The following ASPH variants were observed in gnomAD, a reference collection of about 807,000 sequenced individuals.
ASPH encodes aspartate beta-hydroxylase.
ASPH carries 100 observed loss-of-function variants against 118.4 expected under a neutral mutation model. That is an observed-to-expected ratio of 0.84 (90% CI 0.72 to 1.00). ASPH has a LOEUF of 1.00. Ranked by LOEUF, ASPH falls within the 50% of genes least tolerant of loss-of-function variation. ASPH has a pLI of 0.00. For missense variants in ASPH, 920 were observed against 919.5 expected (o/e 1.00, Z -0.01); for synonymous variants, 315 against 325.6 (o/e 0.97, Z 0.35).
At chr8:61,652,659 T>C (rs1411482726) in intron 4 of ASPH, among the ~76,000 whole-genome samples, 3 of 152,188 alleles carry the variant, frequency 2.0e-5, no homozygotes, top group Non-Finnish European at 4.4e-5. Flanking sequence ...GGTTTTATTT[T>C]AGTACAAAGT....
At chr8:61,528,416 C>T (rs1014901186) in intron 21 of ASPH, among the ~76,000 whole-genome samples, 2 of 152,210 alleles carry the variant, frequency 1.3e-5, no homozygotes, top group African/African-American at 4.8e-5. Flanking sequence ...AAATCTGTTA[C>T]ATTCTTGTTA....
intron 1 of ASPH, among the ~76,000 whole-genome samples, chr8:61,713,250 C>T (rs1294541046): frequency 6.6e-6 from 1 of 152,128 alleles, no homozygotes; most frequent in Non-Finnish European, 1.5e-5. Flanking sequence ...TATTGAGCAC[C>T]TATTATGGGA....
intron 1 of ASPH, among the ~76,000 whole-genome samples, chr8:61,692,105 CTAGT>C (rs972020671): frequency 6.6e-6 from 1 of 152,180 alleles, no homozygotes; most frequent in African/African-American, 2.4e-5. Context: ...CACAAGTCCT[CTAGT>C]TAATCTTTTG....
At chr8:61,714,094 C>T (rs1838759897) in intron 1 of ASPH, among the ~76,000 whole-genome samples, 175 bp downstream of exon 1, 2 of 152,198 alleles carry the variant, frequency 1.3e-5, no homozygotes, top group South Asian at 2.1e-4. Context: ...CCCTCGCCCG[C>T]CCGCCAGGCC....
chr8:61,595,653 T>C (rs1292151671), intron 14 of ASPH, among the ~76,000 whole-genome samples: 1 of 152,180 alleles, frequency 6.6e-6, no homozygotes, highest in African/African-American at 2.4e-5. Flanking sequence ...ATCACATTCC[T>C]CAAACCAGTG....
At chr8:61,616,130 T>TG (rs1157966338) in intron 14 of ASPH, among the ~76,000 whole-genome samples, 1 of 152,160 alleles carries the variant, frequency 6.6e-6, no homozygotes, top group African/African-American at 2.4e-5. Flanking sequence ...TAATTTTAAA[T>TG]GGGGGGAGAG....
rs184332735 is a variant in ASPH, at chr8:61,505,049, T to C, written c.2127-1540A>G. ...GTACTCCCATAATTCCCACATGCTGTGGGAAGGACCCGATGAGAGATAATT... is the reference window on the plus strand; with the variant it reads ...GTACTCCCATAATTCCCACATGCTGCGGGAAGGACCCGATGAGAGATAATT... On this transcript the variant is annotated intron_variant, in intron 24 of 24. Transcript: ENST00000379454. Among the ~76,000 whole-genome samples the C allele has an allele frequency of 1.8e-4, 27 of 152,256 alleles. No individual in the cohort carries two copies. The East Asian group carries it at 4.8e-3, about 27-fold the overall frequency.
chr8:61,583,197 T>C (rs966199826), intron 15 of ASPH: 7 of 152,144 alleles, frequency 4.6e-5, no homozygotes, highest in African/African-American at 1.7e-4. Context: ...TTTTTCTTTT[T>C]GCATCAAGGA....
chr8:61,670,954 G>C (rs1426539462), intron 3 of ASPH, among the ~76,000 whole-genome samples: 1 of 152,052 alleles, frequency 6.6e-6, no homozygotes, highest in Non-Finnish European at 1.5e-5. Flanking sequence ...GAAAAGTTTA[G>C]AATGACTGCT....
In ASPH at chr8:61,664,059, T is replaced by A. The variant is rs931491946; in HGVS notation, c.323-10399A>T. On this transcript the variant is annotated intron_variant, in intron 3 of 24. Transcript: ENST00000379454. ...GTTAATAAGGTTAACATTAAGAGAA[T>A]CAAAAATGCTACCACAGAGATTTTA... is the stretch of plus-strand genomic sequence containing the variant. 4.1e-6 allele frequency: 4 copies of A among 969,400 alleles called. No individual in the cohort carries two copies. The East Asian group carries it at 4.6e-4, about 112-fold the overall frequency. 60.0% of individuals were successfully genotyped at this position (969,400 alleles called of 1,614,324 possible). A position where few individuals can be genotyped will look rare whatever the true frequency, so the allele number is the denominator to read the frequency against.
At chr8:61,531,501 A>G (rs1817537024) in intron 21 of ASPH, among the ~76,000 whole-genome samples, 1 of 151,992 alleles carries the variant, frequency 6.6e-6, no homozygotes, top group South Asian at 2.1e-4. Flanking sequence ...TTGTAAATTT[A>G]TTTAGTTAGT....
intron 14 of ASPH, among the ~76,000 whole-genome samples, chr8:61,603,772 G>T (rs770279054): frequency 6.6e-6 from 1 of 152,126 alleles, no homozygotes; most frequent in African/African-American, 2.4e-5. Flanking sequence ...TAGAATAAAA[G>T]ACTGAAAATG....
intron 3 of ASPH, among the ~76,000 whole-genome samples, chr8:61,671,736 C>T (rs1421014682): frequency 6.6e-6 from 1 of 152,110 alleles, no homozygotes; most frequent in East Asian, 1.9e-4. Flanking sequence ...AAGAGAGTTG[C>T]CTAAAGGAAA....
chr8:61,637,860 G>T, intron 12 of ASPH, 87 bp downstream of exon 12: 1 of 1,306,200 alleles, frequency 7.7e-7, no homozygotes, highest in Non-Finnish European at 1.1e-6. Flanking sequence ...TGTATAGACA[G>T]CAAGTAGGAA....
rs1356044817 is a variant in ASPH, at chr8:61,697,112, G to T, written c.104-12924C>A. Among the ~76,000 whole-genome samples, 3 of 152,136 alleles carry T rather than the reference G, an allele frequency of 2.0e-5. No individual in the cohort carries two copies. The East Asian group carries it at 5.8e-4, about 29-fold the overall frequency. ...GATGCAAATGGGGAGGAAAGTGAGGGATTACAAAAATTCATTAGCACAGCA... is the reference window on the plus strand; with the variant it reads ...GATGCAAATGGGGAGGAAAGTGAGGTATTACAAAAATTCATTAGCACAGCA... On this transcript the variant is annotated intron_variant, in intron 1 of 24. Coordinates refer to ENST00000379454, the MANE Select transcript of ASPH (RefSeq NM_004318.4).
chr8:61,714,262 C>T lies in ASPH; in HGVS notation c.103+7G>A, dbSNP rs1838836338. 6 of 1,508,726 alleles carry T rather than the reference C, an allele frequency of 4.0e-6. No homozygotes were observed. Among genetic ancestry groups the T allele is most frequent in the East Asian group, 5.6e-5 (2 of 35,938 alleles). 93.5% of individuals were successfully genotyped at this position (1,508,726 alleles called of 1,614,324 possible). A position where few individuals can be genotyped will look rare whatever the true frequency, so the allele number is the denominator to read the frequency against. ...GCCCCAGATCCCCGCCCCGCAGGGC[C>T]TCTGACCTCTCCGGGCCCCGGGGCT... is the stretch of plus-strand genomic sequence containing the variant. On this transcript the variant is annotated splice_region_variant and intron_variant, in intron 1 of 24. Coordinates refer to ENST00000379454, the MANE Select transcript of ASPH (RefSeq NM_004318.4).
chr8:61,645,610 T>C (rs896584128), intron 6 of ASPH, among the ~76,000 whole-genome samples: 1 of 152,214 alleles, frequency 6.6e-6, no homozygotes, highest in African/African-American at 2.4e-5. Context: ...TTATTTTCAA[T>C]GTGTAATGCA....
chr8:61,644,757 T>G, intron 6 of ASPH, 125 bp from the exon 7 acceptor site: 1 of 634,770 alleles, frequency 1.6e-6, no homozygotes, highest in South Asian at 4.0e-5. Flanking sequence ...AATGGGACTA[T>G]CAATTAAAAG....
intron 14 of ASPH, among the ~76,000 whole-genome samples, chr8:61,593,469 A>T (rs1841754290): frequency 6.6e-6 from 1 of 152,220 alleles, no homozygotes; most frequent in Non-Finnish European, 1.5e-5. Context: ...TTCAAAGCTT[A>T]AACCAAACAG....
Sources: allele counts gnomAD v4.1 joint callset (sites outside exome capture counted in the v4.1 genomes callset), GRCh38; gene constraint gnomAD v4.1.1; transcripts MANE v1.5; gene names NCBI Gene and HGNC (gene_info 2026-07-23, HGNC 2026-07-21).